Variants in MARS1 observed in about 807,000 individuals in gnomAD.
MARS1 encodes the protein methionine--tRNA ligase, cytoplasmic.
In MARS1, 80 loss-of-function variants were observed where a neutral mutation model predicts 119.5. The observed-to-expected ratio is 0.67, with a 90% CI of 0.56 to 0.81. The LOEUF is 0.81. MARS1 is among the 30% of genes least tolerant of loss of function. MARS1 has a pLI of 0.00. For synonymous variants in MARS1, 418 were observed against 433.4 expected (o/e 0.96, Z 0.44); for missense variants, 945 against 1,116.5 (o/e 0.85, Z 2.19).
At chr12:57,500,062 A>G (rs926962611) in intron 9 of MARS1, 4 of 461,068 alleles carry the variant, frequency 8.7e-6, no homozygotes, top group Non-Finnish European at 1.2e-5. Context: ...AAAAATACAA[A>G]ACAGATAAAT....
rs1018149337 is a variant in MARS1, at chr12:57,508,445, G to A, written c.1369-3253G>A. ...AGGCCGAGGCTGGCGGATCACTGGC[G>A]GTTAGGAGCTGGAGACCAGCCCGGC... On this transcript the variant is annotated intron_variant, in intron 11 of 20. Coordinates refer to ENST00000262027, the MANE Select transcript of MARS1 (RefSeq NM_004990.4). Among the ~76,000 whole-genome samples, 2 of 152,356 alleles carry A rather than the reference G, an allele frequency of 1.3e-5. 1 individual carries two copies. Among genetic ancestry groups the A allele is most frequent in the South Asian group, 4.1e-4 (2 of 4,828 alleles).
At position 57,490,250 on chromosome 12, in the gene MARS1, C is replaced by T. The variant is rs1466645533; in HGVS notation, c.534C>T (p.Thr178=). ...ACAGCTGGTTCCAGACACTGAGTAC[C>T]CAGGAACCATGTCAGCGAGCTGCAG... is the stretch of plus-strand genomic sequence containing the variant. The part of the protein sequence containing the change: ...ALHSWFQTLS[T]QEPCQRAAET... Residue 178 remains threonine, a synonymous_variant, in exon 6 of 21, where the codon ACC becomes ACT. Transcript: ENST00000262027. 1.9e-6 allele frequency: 3 copies of T among 1,613,854 alleles called. No individual in the cohort carries two copies. The highest frequency in any genetic ancestry group is 1.7e-6 in the Non-Finnish European group (2 of 1,180,016).
chr12:57,503,821 T>C (rs993235094), intron 10 of MARS1, among the ~76,000 whole-genome samples: 3 of 152,194 alleles, frequency 2.0e-5, no homozygotes, highest in African/African-American at 7.2e-5. Flanking sequence ...ATTACAGGCG[T>C]GAGCCACCGC....
intron 1 of MARS1, 102 bp downstream of exon 1, chr12:57,488,301 AC>A: frequency 9.7e-7 from 1 of 1,033,474 alleles, no homozygotes; most frequent in Non-Finnish European, 1.4e-6. Context: ...CTCGCCACAC[AC>A]CCCAATCGAC....
At chr12:57,500,948 ATT>A (rs1876889075) in intron 10 of MARS1, among the ~76,000 whole-genome samples, 1 of 152,250 alleles carries the variant, frequency 6.6e-6, no homozygotes, top group Non-Finnish European at 1.5e-5. Context: ...GACAGATTTT[ATT>A]TAGTATGGTC....
chr12:57,498,673 G>A (rs1206986564), intron 9 of MARS1, 50 bp downstream of exon 9: 1 of 1,558,472 alleles, frequency 6.4e-7, no homozygotes, highest in Admixed American at 1.7e-5. Flanking sequence ...CTGAGACTGG[G>A]AACAGTGGGA....
chr12:57,503,792 G>A (rs1376077031), intron 10 of MARS1, among the ~76,000 whole-genome samples: 1 of 151,822 alleles, frequency 6.6e-6, no homozygotes, highest in Non-Finnish European at 1.5e-5. Context: ...CGCCTGCCTC[G>A]GCCTCCCAAA....
chr12:57,516,591 G>GC lies in MARS1; in HGVS notation c.*11dup. 6.4e-7 allele frequency: 1 copy of GC among 1,562,912 alleles called. No homozygotes were observed. The highest frequency in any genetic ancestry group is 8.6e-7 in the Non-Finnish European group (1 of 1,161,630). The stretch of plus-strand genomic sequence containing the variant: ...CAAGAAGAAAAAGTAAAAGACCTTG[G>GC]CTCATAGAAAGTCACTTTAATAGAT... On this transcript the variant is annotated 3_prime_UTR_variant, in exon 21 of 21. Coordinates refer to ENST00000262027, the MANE Select transcript of MARS1 (RefSeq NM_004990.4).
Position 57,493,366 on chromosome 12 carries a change from T to C in MARS1, c.770+2722T>C, listed in dbSNP as rs1213540841. Among the ~76,000 whole-genome samples, 57 of 82,874 alleles carry C rather than the reference T, an allele frequency of 6.9e-4. 3 individuals are homozygous for C. The highest frequency in any genetic ancestry group is 2.9e-3 in the African/African-American group (55 of 18,730). 54.4% of individuals were successfully genotyped at this position (82,874 alleles called of 152,430 possible). On this transcript the variant is annotated intron_variant, in intron 7 of 20. Coordinates refer to ENST00000262027, the MANE Select transcript of MARS1 (RefSeq NM_004990.4). ...TATATAATATATATTATATGATATG[T>C]ATAATATATATTATATAATATATTA...
chr12:57,497,227 A>G (rs1194302199), intron 7 of MARS1, among the ~76,000 whole-genome samples: 1 of 152,196 alleles, frequency 6.6e-6, no homozygotes, highest in Non-Finnish European at 1.5e-5. Context: ...AAGTTACGAT[A>G]TTCAGTTATG....
chr12:57,489,446 A>G lies in MARS1; in HGVS notation c.302A>G (p.Tyr101Cys). Residue 101 changes from tyrosine to cysteine, a missense_variant, in exon 4 of 21, where the codon TAC (tyrosine) becomes TGC (cysteine). Transcript: ENST00000262027. Reference sequence around the variant, plus strand: ...TAGCCAGCTTTGTCTGCTGCCCTGTACTATTTAGTGGTCCAAGGCAAGAAG... The same window carrying G: ...TAGCCAGCTTTGTCTGCTGCCCTGTGCTATTTAGTGGTCCAAGGCAAGAAG... ...ELQPALSAAL[Y>C]YLVVQGKKGE... The G allele has an allele frequency of 6.2e-7, 1 of 1,614,044 alleles. No homozygotes were observed. The highest frequency in any genetic ancestry group is 1.1e-5 in the South Asian group (1 of 91,084).
At chr12:57,503,388 C>G (rs1458855462) in intron 10 of MARS1, among the ~76,000 whole-genome samples, 3 of 151,992 alleles carry the variant, frequency 2.0e-5, no homozygotes, top group East Asian at 1.9e-4. Context: ...CACGCACTAC[C>G]AAACCCGGCT....
intron 7 of MARS1, among the ~76,000 whole-genome samples, chr12:57,494,669 TGTGTCCCTGG>T (rs1876495142): frequency 6.6e-6 from 1 of 152,008 alleles, no homozygotes; most frequent in African/African-American, 2.4e-5. Context: ...CCGCAGTGTT[TGTGTCCCTGG>T]GTACTTGAGA....
At position 57,488,121 on chromosome 12, in the gene MARS1, G is replaced by C. The variant is rs750309467; in HGVS notation, c.31G>C (p.Gly11Arg). 1.2e-6 allele frequency: 2 copies of C among 1,614,190 alleles called. No individual in the cohort carries two copies. Among genetic ancestry groups the C allele is most frequent in the Non-Finnish European group, 1.7e-6 (2 of 1,180,042 alleles). ...ACTGTTCGTGAGTGATGGCGTCCCG[G>C]GTTGCTTGCCGGTGCTGGCCGCCGC... is the stretch of plus-strand genomic sequence containing the variant. MRLFVSDGVP[G>R]CLPVLAAAGR... Residue 11 changes from glycine to arginine, a missense_variant, in exon 1 of 21, where the codon GGT becomes CGT. Transcript: ENST00000262027.
intron 15 of MARS1, among the ~76,000 whole-genome samples, chr12:57,514,463 G>A (rs1338611077): frequency 6.6e-6 from 1 of 152,144 alleles, no homozygotes; most frequent in Non-Finnish European, 1.5e-5. Flanking sequence ...GCCCGGCCGA[G>A]TAATGACTTC....
At chr12:57,488,796 C>T in intron 1 of MARS1, 1 of 867,302 alleles carries the variant, frequency 1.2e-6, no homozygotes. Flanking sequence ...CTCTGCAGTC[C>T]CCATCTGTTG....
intron 7 of MARS1, among the ~76,000 whole-genome samples, chr12:57,497,526 T>C (rs1321594405): frequency 6.6e-6 from 1 of 152,064 alleles, no homozygotes; most frequent in Admixed American, 6.6e-5. Flanking sequence ...GAATACTGCA[T>C]TGAGTGCCTT....
intron 11 of MARS1, among the ~76,000 whole-genome samples, chr12:57,507,658 T>G (rs1461707206): frequency 3.9e-5 from 3 of 76,312 alleles, no homozygotes; most frequent in African/African-American, 9.0e-5. Context: ...CGGGCGGGGG[T>G]CTGGCCCCCC....
Position 57,500,331 on chromosome 12 carries a change from G to A in MARS1, c.1102G>A (p.Asp368Asn), listed in dbSNP as rs774396381. Residue 368 changes from aspartate to asparagine, a missense_variant, in exon 10 of 21, where the codon GAC (aspartate) becomes AAC (asparagine). By Grantham distance (23) the Asp-to-Asn change is conservative. Coordinates refer to ENST00000262027, the MANE Select transcript of MARS1 (RefSeq NM_004990.4). ...GGCCCACCTCACCAGAATCACCCAG[G>A]ACATTTTCCAGCAGTTGCTGAAACG... ...TTPQQTKITQ[D>N]IFQQLLKRGF... 1.9e-6 allele frequency: 3 copies of A among 1,614,012 alleles called. No homozygotes were observed. The highest frequency in any genetic ancestry group is 2.5e-6 in the Non-Finnish European group (3 of 1,180,016).
Sources: gnomAD v4.1 joint callset for allele counts (sites outside exome capture counted in the v4.1 genomes callset) on GRCh38, gnomAD v4.1.1 for gene constraint, MANE v1.5 for transcripts, NCBI Gene and HGNC (gene_info 2026-07-23, HGNC 2026-07-21) for gene names.